The following STXBP5L variants were observed in gnomAD, a reference collection of about 807,000 sequenced individuals.
STXBP5L encodes the protein syntaxin binding protein 5L.
Under a neutral mutation model 144.5 loss-of-function variants are expected in STXBP5L, and 65 were observed. The observed-to-expected ratio is 0.45, with a 90% CI of 0.37 to 0.55. The LOEUF is 0.55. Among genes scored for constraint, STXBP5L ranks in the 20% least tolerant of loss-of-function variants. The pLI is 0.00. For missense variants in STXBP5L, 1,298 were observed against 1,405.5 expected (o/e 0.92, Z 1.22); for synonymous variants, 505 against 469.6 (o/e 1.08, Z -0.97).
chr3:121,262,157 G>C (rs1046321038), intron 18 of STXBP5L, among the ~76,000 whole-genome samples: 3 of 152,154 alleles, frequency 2.0e-5, no homozygotes, highest in Non-Finnish European at 2.9e-5. Context: ...CCATCACCTT[G>C]AGGATTAGAT....
intron 20 of STXBP5L, among the ~76,000 whole-genome samples, chr3:121,366,492 A>G (rs544138486): frequency 4.6e-5 from 7 of 151,986 alleles, no homozygotes; most frequent in Non-Finnish European, 1.0e-4. Context: ...AGGAAATATA[A>G]TGTCCTTCTT....
chr3:120,948,984 A>C (rs565154295), intron 2 of STXBP5L, among the ~76,000 whole-genome samples: 92 of 151,926 alleles, frequency 6.1e-4, no homozygotes, highest in African/African-American at 2.1e-3. Context: ...GAATATCTAT[A>C]CTGTTTTCTA....
intron 3 of STXBP5L, among the ~76,000 whole-genome samples, chr3:121,007,255 T>C (rs1421125769): frequency 2.0e-5 from 3 of 152,094 alleles, no homozygotes; most frequent in Non-Finnish European, 4.4e-5. Flanking sequence ...TATGATACAT[T>C]ATCTATCTTA....
intron 9 of STXBP5L, among the ~76,000 whole-genome samples, chr3:121,181,563 T>C (rs1459086517): frequency 6.6e-6 from 1 of 151,984 alleles, no homozygotes; most frequent in African/African-American, 2.4e-5. Context: ...GTGAAACCCC[T>C]TCTCTACTAA....
intron 17 of STXBP5L, among the ~76,000 whole-genome samples, chr3:121,258,461 A>G (rs1307640040): frequency 6.6e-6 from 1 of 152,206 alleles, no homozygotes; most frequent in African/African-American, 2.4e-5. Context: ...TGATGTACAT[A>G]AAAAGAAGGA....
intron 5 of STXBP5L, chr3:121,049,828 C>G (rs1031636526): frequency 1.3e-5 from 2 of 153,346 alleles, no homozygotes; most frequent in African/African-American, 4.8e-5. Context: ...GGGGATCCAG[C>G]ACTCCTGGGA....
chr3:120,989,211 A>G (rs1296365291), intron 3 of STXBP5L, among the ~76,000 whole-genome samples: 5 of 151,716 alleles, frequency 3.3e-5, no homozygotes, highest in African/African-American at 1.2e-4. Flanking sequence ...CAACTGTTTT[A>G]TGTTTTCCAT....
rs749061278 is a variant in STXBP5L, at chr3:121,205,906, A to C, written c.878-17A>C. ...TATAATTTAAATTAGATTCAATTAA[A>C]TATTTTTTTTCTTTAGGAAAAAGTC... On this transcript the variant is annotated splice_polypyrimidine_tract_variant and intron_variant, in intron 9 of 26. Coordinates refer to ENST00000471454, the MANE Select transcript of STXBP5L (RefSeq NM_001308330.2). 1.5e-5 allele frequency: 20 copies of C among 1,317,208 alleles called. No individual in the cohort carries two copies. The highest frequency in any genetic ancestry group is 2.1e-5 in the Non-Finnish European group (20 of 965,030). 81.6% of individuals were successfully genotyped at this position (1,317,208 alleles called of 1,614,324 possible).
At chr3:120,979,593 A>G (rs1035945368) in intron 3 of STXBP5L, among the ~76,000 whole-genome samples, 1 of 152,162 alleles carries the variant, frequency 6.6e-6, no homozygotes, top group Non-Finnish European at 1.5e-5. Flanking sequence ...TAGTGAGATG[A>G]ACCCGGTACC....
At position 121,315,986 on chromosome 3, in the gene STXBP5L, G is replaced by C. The variant is rs961581804; in HGVS notation, c.2111-2489G>C. ...CCAATTCATTCCAGCCTGGGCGATA[G>C]TGAGACTCTGTCTCAAAAAAAAAAA... On this transcript the variant is annotated intron_variant, in intron 19 of 26. Coordinates refer to ENST00000471454, the MANE Select transcript of STXBP5L (RefSeq NM_001308330.2). Among the ~76,000 whole-genome samples the C allele has an allele frequency of 1.6e-4, 18 of 112,338 alleles. No homozygotes were observed. In the Admixed American group the frequency reaches 1.6e-3, roughly 10 times the overall value. 73.7% of individuals were successfully genotyped at this position (112,338 alleles called of 152,430 possible).
chr3:121,268,219 T>G (rs2108410754), intron 18 of STXBP5L, among the ~76,000 whole-genome samples: 1 of 152,290 alleles, frequency 6.6e-6, no homozygotes, highest in East Asian at 1.9e-4. Context: ...CATGGAATAC[T>G]ATGCAGCCAT....
At chr3:120,991,680 A>G (rs1393354125) in intron 3 of STXBP5L, among the ~76,000 whole-genome samples, 4 of 152,328 alleles carry the variant, frequency 2.6e-5, no homozygotes, top group African/African-American at 2.4e-5. Context: ...TGTCCTTTGT[A>G]GGGACGTGGT....
At chr3:121,182,219 A>T (rs1180754909) in intron 9 of STXBP5L, among the ~76,000 whole-genome samples, 1 of 152,190 alleles carries the variant, frequency 6.6e-6, no homozygotes, top group Admixed American at 6.5e-5. Context: ...CAGAATATAC[A>T]TTCTTCTCAT....
chr3:121,075,813 G>A (rs4642056), intron 5 of STXBP5L, among the ~76,000 whole-genome samples: 15,140 of 152,186 alleles, frequency 0.099, 1,187 homozygotes, highest in Admixed American at 0.2. Flanking sequence ...TTGGGTCAGC[G>A]TCTATTGGGA....
intron 3 of STXBP5L, among the ~76,000 whole-genome samples, chr3:120,964,161 C>T (rs1005608919): frequency 6.6e-6 from 1 of 152,070 alleles, no homozygotes; most frequent in Non-Finnish European, 1.5e-5. Context: ...ATTCTTCTCT[C>T]TTTTCTTCTT....
intron 20 of STXBP5L, among the ~76,000 whole-genome samples, chr3:121,342,336 C>A (rs2044744077): frequency 6.6e-6 from 1 of 152,040 alleles, no homozygotes; most frequent in Non-Finnish European, 1.5e-5. Flanking sequence ...AGGAATTATA[C>A]TAGAATACTA....
In STXBP5L at chr3:121,367,594, TG is replaced by T. The variant is rs1364023364; in HGVS notation, c.2177-11121del. On this transcript the variant is annotated intron_variant, in intron 20 of 26. Coordinates refer to ENST00000471454, the MANE Select transcript of STXBP5L (RefSeq NM_001308330.2). ...AGGTTCTCTCTTTGTCTTCGACTCTTGTTTTTTTTTTTTTTTTTTTTTTTTT... is the reference window on the plus strand; with the variant it reads ...AGGTTCTCTCTTTGTCTTCGACTCTTTTTTTTTTTTTTTTTTTTTTTTTTT... Among the ~76,000 whole-genome samples the T allele has an allele frequency of 4.1e-3, 538 of 131,704 alleles. 13 individuals carry two copies. Among genetic ancestry groups the T allele is most frequent in the Middle Eastern group, 0.016 (4 of 250 alleles). 86.4% of individuals were successfully genotyped at this position (131,704 alleles called of 152,430 possible).
In STXBP5L at chr3:121,170,696, A is replaced by G. The variant is rs896603311; in HGVS notation, c.877+13069A>G. The stretch of plus-strand genomic sequence containing the variant: ...TACAAGTTCTAAAATTGAGGCAGTA[A>G]TTATTAGCCTACCAACCAAAAACAA... On this transcript the variant is annotated intron_variant, in intron 9 of 26. Transcript: ENST00000471454. 9.2e-5 allele frequency among the ~76,000 whole-genome samples: 14 copies of G among 152,238 alleles called. No individual in the cohort carries two copies. In the South Asian group the frequency reaches 1.9e-3, roughly 20 times the overall value.
intron 7 of STXBP5L, among the ~76,000 whole-genome samples, chr3:121,150,127 A>G (rs1166927852): frequency 1.3e-5 from 2 of 152,124 alleles, no homozygotes; most frequent in Non-Finnish European, 2.9e-5. Flanking sequence ...TGGTTAGAAT[A>G]TAATATCTAC....
Sources: gnomAD v4.1 joint callset for allele counts (sites outside exome capture counted in the v4.1 genomes callset) on GRCh38, gnomAD v4.1.1 for gene constraint, MANE v1.5 for transcripts, NCBI Gene and HGNC (gene_info 2026-07-23, HGNC 2026-07-21) for gene names.